The following CAPN1 variants were observed in gnomAD, a reference collection of about 807,000 sequenced individuals.
CAPN1 encodes calpain-1 catalytic subunit.
CAPN1 carries 77 observed loss-of-function variants against 105.2 expected under a neutral mutation model. That is an observed-to-expected ratio of 0.73 (90% CI 0.61 to 0.88). The LOEUF is 0.88. Among genes scored for constraint, CAPN1 ranks in the 40% least tolerant of loss-of-function variants. CAPN1 has a pLI of 0.00. For missense variants in CAPN1, 833 were observed against 976.6 expected (o/e 0.85, Z 1.96); for synonymous variants, 355 against 388.8 (o/e 0.91, Z 1.02).
intron 10 of CAPN1, among the ~76,000 whole-genome samples, chr11:65,202,651 C>T (rs1445576288): frequency 6.6e-6 from 1 of 152,064 alleles, no homozygotes; most frequent in African/African-American, 2.4e-5. Flanking sequence ...CCACGTTGGC[C>T]AGGCTGGTCT....
Position 65,187,252 on chromosome 11 carries a change from A to G in CAPN1, c.797A>G (p.Lys266Arg). ...CTAGACATGGAGGCCATCACTTTCA[A>G]GAAGTTGGTGAAGGGCCATGCCTAC... ...SVLDMEAITF[K>R]KLVKGHAYSV... The change falls in exon 7 of 22, where the codon AAG becomes AGG. Residue 266 changes from lysine to arginine, a missense_variant. Transcript: ENST00000279247. 6.2e-7 allele frequency: 1 copy of G among 1,613,420 alleles called. No homozygotes were observed. Among genetic ancestry groups the G allele is most frequent in the Non-Finnish European group, 8.5e-7 (1 of 1,179,664 alleles).
At chr11:65,207,638 C>T (rs1045330505) in intron 14 of CAPN1, among the ~76,000 whole-genome samples, 2 of 151,852 alleles carry the variant, frequency 1.3e-5, no homozygotes, top group African/African-American at 4.8e-5. Context: ...TCAAGCCGGG[C>T]TCAGTGGCTC....
chr11:65,204,990 C>T, intron 11 of CAPN1, 132 bp downstream of exon 11: 2 of 717,892 alleles, frequency 2.8e-6, no homozygotes, highest in Non-Finnish European at 4.5e-6. Flanking sequence ...CCCCTCCACT[C>T]CCCCCACCAT....
intron 21 of CAPN1, 187 bp from the exon 22 acceptor site, chr11:65,211,073 T>G (rs1028895506): frequency 8.0e-6 from 6 of 752,390 alleles, no homozygotes; most frequent in Non-Finnish European, 1.3e-5. Context: ...GTCCAGGCCC[T>G]TGGAGGCCCC....
Position 65,208,463 on chromosome 11 carries a change from GGTGCT to G in CAPN1, c.1729+206_1729+210del, listed in dbSNP as rs1338949918. On this transcript the variant is annotated intron_variant, in intron 16 of 21. Coordinates refer to ENST00000279247, the MANE Select transcript of CAPN1 (RefSeq NM_005186.4). The surrounding 1 kb of genome is among the most constrained non-coding windows in gnomAD (Gnocchi z 4.1). ...GCCATCCTGATAATCCCTGTGCTCG[GGTGCT>G]GTGCCTTTGTGGGATTAGCAGCGCA... 91 of 631,708 alleles carry G rather than the reference GGTGCT, an allele frequency of 1.4e-4. 1 individual carries two copies. In the Middle Eastern group the frequency reaches 1.7e-3, roughly 12 times the overall value. The allele number at this position is 631,708 out of a possible 1,614,324, so 39.1% of individuals were successfully genotyped here. A position where few individuals can be genotyped will look rare whatever the true frequency, so the allele number is the denominator to read the frequency against.
chr11:65,207,255 A>G lies in CAPN1; in HGVS notation c.1605+436A>G, dbSNP rs17881825. Among the ~76,000 whole-genome samples the G allele has an allele frequency of 1.1e-4, 15 of 141,630 alleles. No individual in the cohort carries two copies. The South Asian group carries it at 3.3e-3, about 31-fold the overall frequency. The allele number at this position is 141,630 out of a possible 152,430, so 92.9% of individuals were successfully genotyped here. Reference sequence around the variant, plus strand: ...CACTCTGTCACCCAGGCTGGAGTGCAATGGCGTGATCTCGGCTCACTGCAA... The same window carrying G: ...CACTCTGTCACCCAGGCTGGAGTGCGATGGCGTGATCTCGGCTCACTGCAA... On this transcript the variant is annotated intron_variant, in intron 14 of 21. Transcript: ENST00000279247.
At chr11:65,206,244 T>A in intron 12 of CAPN1, 1 of 589,502 alleles carries the variant, frequency 1.7e-6, no homozygotes, top group Non-Finnish European at 3.0e-6. Flanking sequence ...CCGGTGCTCC[T>A]CTCCTCTACC....
chr11:65,184,814 C>A (rs151102719), intron 4 of CAPN1, among the ~76,000 whole-genome samples: 2 of 152,246 alleles, frequency 1.3e-5, no homozygotes, highest in East Asian at 3.9e-4. Context: ...GAGGAGGAAC[C>A]CTGTTTGTTC....
In CAPN1 at chr11:65,181,934, C is replaced by T. The variant is rs548780607; in HGVS notation, c.-81C>T. 1 of 175,918 alleles carries T rather than the reference C, an allele frequency of 5.7e-6. No homozygotes were observed. The highest frequency in any genetic ancestry group is 1.2e-5 in the Non-Finnish European group (1 of 81,246). The allele number at this position is 175,918 out of a possible 1,614,324, so 10.9% of individuals were successfully genotyped here. On this transcript the variant is annotated 5_prime_UTR_variant, in exon 1 of 22. Transcript: ENST00000279247. This position sits in a 1 kb window ranked among gnomAD's most constrained non-coding sequence, Gnocchi z 4.6. ...GAGGAGGGCGGGGAGGAGCGCTCTT[C>T]CTGGTTGGGCCCTGCCCTGAGCTGC...
chr11:65,181,766 A>G (rs998360485), upstream of CAPN1: 19 of 236,716 alleles, frequency 8.0e-5, no homozygotes, highest in Admixed American at 5.6e-4. This position sits in a 1 kb window ranked among gnomAD's most constrained non-coding sequence, Gnocchi z 4.6. Flanking sequence ...CTGCGGAGGG[A>G]GGGGCGGGGA....
intron 4 of CAPN1, among the ~76,000 whole-genome samples, chr11:65,183,837 CTT>C (rs1428919949): frequency 3.3e-5 from 5 of 152,160 alleles, no homozygotes; most frequent in African/African-American, 1.2e-4. Context: ...AACAGAAAGA[CTT>C]TTGTGTTATA....
In CAPN1 at chr11:65,183,123, C is replaced by T. The variant is rs1171985764; in HGVS notation, c.268-5C>T. ...CCGAGGAACAGGACTCTGGGTCTCT[C>T]GTAGGAACTGCTGTCAAACCCCCAG... On this transcript the variant is annotated splice_region_variant and splice_polypyrimidine_tract_variant and intron_variant, in intron 2 of 21. Transcript: ENST00000279247. The T allele has an allele frequency of 1.1e-5, 17 of 1,613,684 alleles. No homozygotes were observed. The Admixed American group carries it at 2.5e-4, about 24-fold the overall frequency.
At position 65,208,507 on chromosome 11, in the gene CAPN1, CA is replaced by C. The variant is rs1338975353; in HGVS notation, c.1729+246del. The C allele has an allele frequency of 1.7e-6, 1 of 577,018 alleles. No homozygotes were observed. The highest frequency in any genetic ancestry group is 1.9e-5 in the African/African-American group (1 of 53,474). 35.7% of individuals were successfully genotyped at this position (577,018 alleles called of 1,614,324 possible). A position where few individuals can be genotyped will look rare whatever the true frequency, so the allele number is the denominator to read the frequency against. ...ATTAGCAGCGCAGCCTGGCCAGGCA[CA>C]GTGGCTCACACCTGTAGTCCCAACA... On this transcript the variant is annotated intron_variant, in intron 16 of 21. Coordinates refer to ENST00000279247, the MANE Select transcript of CAPN1 (RefSeq NM_005186.4). This position sits in a 1 kb window ranked among gnomAD's most constrained non-coding sequence, Gnocchi z 4.1.
chr11:65,208,436 C>T lies in CAPN1; in HGVS notation c.1729+174C>T. 1.5e-6 allele frequency: 1 copy of T among 666,658 alleles called. No homozygotes were observed. Among genetic ancestry groups the T allele is most frequent in the Non-Finnish European group, 2.7e-6 (1 of 375,148 alleles). 41.3% of individuals were successfully genotyped at this position (666,658 alleles called of 1,614,324 possible). A position where few individuals can be genotyped will look rare whatever the true frequency, so the allele number is the denominator to read the frequency against. On this transcript the variant is annotated intron_variant, in intron 16 of 21. Coordinates refer to ENST00000279247, the MANE Select transcript of CAPN1 (RefSeq NM_005186.4). This position sits in a 1 kb window ranked among gnomAD's most constrained non-coding sequence, Gnocchi z 4.1. ...TCCATCCCATACTCCTCCTCCTGAC[C>T]TGCCATCCTGATAATCCCTGTGCTC...
chr11:65,182,517 C>G (rs1419069080), intron 1 of CAPN1, 184 bp from the exon 2 acceptor site: 2 of 606,058 alleles, frequency 3.3e-6, no homozygotes, highest in African/African-American at 1.8e-5. Flanking sequence ...AATCCCTTTC[C>G]TGGATTCACT....
At position 65,183,014 on chromosome 11, in the gene CAPN1, G is replaced by A. The variant is rs967137013; in HGVS notation, c.267+46G>A. 3 of 1,611,562 alleles carry A rather than the reference G, an allele frequency of 1.9e-6. No individual in the cohort carries two copies. The African/African-American group carries it at 4.0e-5, about 22-fold the overall frequency. ...TGGGACTCGGCTAAGCCAGATCCTG[G>A]ATGAGGAGTAGGGATGGGACTCCAT... On this transcript the variant is annotated intron_variant, in intron 2 of 21. Coordinates refer to ENST00000279247, the MANE Select transcript of CAPN1 (RefSeq NM_005186.4).
At chr11:65,200,216 A>G (rs1948847864) in intron 10 of CAPN1, among the ~76,000 whole-genome samples, 1 of 151,760 alleles carries the variant, frequency 6.6e-6, no homozygotes, top group African/African-American at 2.4e-5. Flanking sequence ...TGCCCAGCTA[A>G]TTTTTGTAGA....
At position 65,210,466 on chromosome 11, in the gene CAPN1, A is replaced by G. The variant is rs542380; in HGVS notation, c.2059+14A>G. 0.79 allele frequency: 1,203,387 copies of G among 1,528,932 alleles called. 479,010 individuals are homozygous for G. The highest frequency in any genetic ancestry group is 0.86 in the Middle Eastern group (5,086 of 5,916). 94.7% of individuals were successfully genotyped at this position (1,528,932 alleles called of 1,614,324 possible). A position where few individuals can be genotyped will look rare whatever the true frequency, so the allele number is the denominator to read the frequency against. On this transcript the variant is annotated intron_variant, in intron 20 of 21. Transcript: ENST00000279247. The surrounding 1 kb of genome is among the most constrained non-coding windows in gnomAD (Gnocchi z 4.3). Reference sequence around the variant, plus strand: ...AGACCATGTTCCGTGAGTGTCCCCAACTGCCTCCCACCCTCCAGCTCCGTC... The same window carrying G: ...AGACCATGTTCCGTGAGTGTCCCCAGCTGCCTCCCACCCTCCAGCTCCGTC...
chr11:65,205,791 G>A, intron 12 of CAPN1, 70 bp downstream of exon 12: 3 of 1,443,274 alleles, frequency 2.1e-6, no homozygotes, highest in East Asian at 2.3e-5. Context: ...CAACCCAGTG[G>A]CAAACCCACC....
Sources: allele counts gnomAD v4.1 joint callset (sites outside exome capture counted in the v4.1 genomes callset), GRCh38; gene constraint gnomAD v4.1.1; non-coding constraint Gnocchi (gnomAD v3.1); transcripts MANE v1.5; gene names NCBI Gene and HGNC (gene_info 2026-07-23, HGNC 2026-07-21).